RGS10: variants seen among roughly 807,000 people sequenced by gnomAD.
RGS10 encodes the protein regulator of G-protein signalling 10.
Under a neutral mutation model 23.5 loss-of-function variants are expected in RGS10, and 11 were observed. That is an observed-to-expected ratio of 0.47 (90% confidence interval 0.29 to 0.77). RGS10 has a LOEUF of 0.77. Among genes scored for constraint, RGS10 ranks in the 30% least tolerant of loss-of-function variants. RGS10 has a pLI of 0.08. For missense variants in RGS10, 180 were observed against 226.3 expected (o/e 0.80, Z 1.31); for synonymous variants, 77 against 83.2 (o/e 0.92, Z 0.41).
rs1032450379 is a variant in RGS10, at chr10:119,532,940, T to G, written c.50-5516A>C. 1.2e-4 allele frequency among the ~76,000 whole-genome samples: 18 copies of G among 149,824 alleles called. 1 individual carries two copies. Among genetic ancestry groups the G allele is most frequent in the Admixed American group, 1.1e-3 (16 of 14,846 alleles). The stretch of plus-strand genomic sequence containing the variant: ...CTGTAGGCCCAGCTATTCAGGAGGC[T>G]GAGGTGGAAGGATCACTCGAGCCCA... On this transcript the variant is annotated intron_variant, in intron 1 of 4. Coordinates refer to ENST00000369103, the MANE Select transcript of RGS10 (RefSeq NM_001005339.2).
chr10:119,537,755 C>T (rs564881275), intron 1 of RGS10, among the ~76,000 whole-genome samples: 6 of 152,268 alleles, frequency 3.9e-5, no homozygotes, highest in South Asian at 4.2e-4. Flanking sequence ...CACAAATAAA[C>T]GAGAAGGAAG....
At chr10:119,511,407 C>T (rs1304802794) in intron 4 of RGS10, among the ~76,000 whole-genome samples, 1 of 152,046 alleles carries the variant, frequency 6.6e-6, no homozygotes, top group Non-Finnish European at 1.5e-5. Context: ...TCACTTGAGG[C>T]CAGGAGTTTG....
intron 4 of RGS10, among the ~76,000 whole-genome samples, chr10:119,503,182 T>C (rs540221651): frequency 1.2e-4 from 18 of 151,826 alleles, no homozygotes; most frequent in African/African-American, 1.2e-4. Flanking sequence ...CTACTAAAAA[T>C]ATAAAAATTA....
chr10:119,537,541 A>C (rs1844401094), intron 1 of RGS10, among the ~76,000 whole-genome samples: 1 of 152,194 alleles, frequency 6.6e-6, no homozygotes, highest in Admixed American at 6.5e-5. Flanking sequence ...TGCTACAAAG[A>C]AGCAAGCAAG....
intron 1 of RGS10, chr10:119,536,371 C>A: frequency 8.5e-7 from 1 of 1,176,886 alleles, no homozygotes; most frequent in Non-Finnish European, 1.2e-6. Flanking sequence ...ACCTCTGTGT[C>A]CTCACAGCAC....
chr10:119,542,502 C>A, intron 1 of RGS10, 88 bp downstream of exon 1: 2 of 1,202,022 alleles, frequency 1.7e-6, no homozygotes, highest in Non-Finnish European at 2.2e-6. Context: ...ACCACCGAGC[C>A]GCGCCCGAGC....
intron 4 of RGS10, among the ~76,000 whole-genome samples, chr10:119,510,688 G>C (rs1181026200): frequency 6.6e-6 from 1 of 152,082 alleles, no homozygotes; most frequent in Non-Finnish European, 1.5e-5. Context: ...GACCAACAAG[G>C]ACTGAATCAA....
At chr10:119,514,850 G>A (rs747496686) in intron 4 of RGS10, among the ~76,000 whole-genome samples, 1 of 152,038 alleles carries the variant, frequency 6.6e-6, no homozygotes, top group Non-Finnish European at 1.5e-5. Flanking sequence ...TATGGCTACA[G>A]TCACAAAAAC....
At chr10:119,501,798 T>G (rs1007751103) in intron 4 of RGS10, among the ~76,000 whole-genome samples, 2 of 152,172 alleles carry the variant, frequency 1.3e-5, no homozygotes, top group Non-Finnish European at 2.9e-5. Flanking sequence ...AACATCTGCT[T>G]GGAGGATGGG....
At chr10:119,519,987 A>G (rs189221058) in intron 3 of RGS10, among the ~76,000 whole-genome samples, 18 of 152,304 alleles carry the variant, frequency 1.2e-4, no homozygotes, top group African/African-American at 4.3e-4. Context: ...AAAGGAACAG[A>G]GTGGTCCCCT....
intron 4 of RGS10, 142 bp downstream of exon 4, chr10:119,515,367 T>C (rs1844129439): frequency 4.2e-6 from 4 of 943,036 alleles, no homozygotes; most frequent in African/African-American, 1.7e-5. Context: ...TCCCCAACCA[T>C]GGCCCCTCAG....
intron 3 of RGS10, among the ~76,000 whole-genome samples, chr10:119,521,400 A>G (rs1264009414): frequency 6.6e-6 from 1 of 151,966 alleles, no homozygotes; most frequent in Admixed American, 6.6e-5. Flanking sequence ...GCGAAACCCC[A>G]TCTCTACTAA....
At chr10:119,501,234 T>C (rs972961979) in intron 4 of RGS10, among the ~76,000 whole-genome samples, 15 of 152,120 alleles carry the variant, frequency 9.9e-5, no homozygotes, top group Non-Finnish European at 1.9e-4. Flanking sequence ...CTCAGACCTT[T>C]CCACTTAACT....
intron 1 of RGS10, among the ~76,000 whole-genome samples, chr10:119,529,255 C>T (rs1844309369): frequency 1.3e-5 from 2 of 152,030 alleles, no homozygotes; most frequent in African/African-American, 4.8e-5. Context: ...GAGTTCAAGA[C>T]CAGCTTGGCC....
At chr10:119,522,420 G>T (rs1002876669) in intron 3 of RGS10, among the ~76,000 whole-genome samples, 1 of 152,162 alleles carries the variant, frequency 6.6e-6, no homozygotes, top group Non-Finnish European at 1.5e-5. Flanking sequence ...GTGCACAACA[G>T]AGGATTAAAA....
intron 1 of RGS10, chr10:119,536,465 T>C: frequency 6.2e-7 from 1 of 1,613,168 alleles, no homozygotes; most frequent in East Asian, 2.2e-5. Flanking sequence ...ATTCCTTACG[T>C]TCCATGCTCT....
chr10:119,505,856 C>G (rs1844006733), intron 4 of RGS10, among the ~76,000 whole-genome samples: 1 of 152,226 alleles, frequency 6.6e-6, no homozygotes, highest in African/African-American at 2.4e-5. Context: ...CATGCATCCT[C>G]TCTTCTCTTC....
intron 3 of RGS10, among the ~76,000 whole-genome samples, chr10:119,525,184 G>A (rs904067484): frequency 3.3e-5 from 5 of 152,138 alleles, no homozygotes; most frequent in Non-Finnish European, 7.3e-5. Flanking sequence ...ACATGCCTTG[G>A]GAAGAAAGTC....
chr10:119,515,446 T>C lies in RGS10; in HGVS notation c.399+63A>G. 5 of 1,598,462 alleles carry C rather than the reference T, an allele frequency of 3.1e-6. No homozygotes were observed. The East Asian group carries it at 6.7e-5, about 21-fold the overall frequency. ...TCTAACATCGGGTGTTTCAGTAAAT[T>C]CTTCCAGGCCTGGAATTAATGTAGG... is the stretch of plus-strand genomic sequence containing the variant. On this transcript the variant is annotated intron_variant, in intron 4 of 4. Transcript: ENST00000369103.
Sources: allele counts gnomAD v4.1 joint callset (sites outside exome capture counted in the v4.1 genomes callset), GRCh38; gene constraint gnomAD v4.1.1; transcripts MANE v1.5; gene names NCBI Gene and HGNC (gene_info 2026-07-23, HGNC 2026-07-21).